The following PDE1C variants were observed in gnomAD, a reference collection of about 807,000 sequenced individuals.
The protein encoded by PDE1C is dual specificity calcium/calmodulin-dependent 3',5'-cyclic nucleotide phosphodiesterase 1C.
A neutral mutation model predicts 93.1 loss-of-function variants in PDE1C; 62 were observed. The observed-to-expected ratio is 0.67, with a 90% confidence interval of 0.54 to 0.82. PDE1C has a LOEUF of 0.82. PDE1C is among the 40% of genes least tolerant of loss of function. The probability of loss-of-function intolerance (pLI) is 0.00; values close to 1 mark genes in which losing one functional copy is unlikely to be tolerated. For synonymous variants in PDE1C, 325 were observed against 310.1 expected, an observed-to-expected ratio of 1.05 and a Z score of -0.50; for missense variants, 742 against 884.6, an observed-to-expected ratio of 0.84 and a Z score of 2.04.
At chr7:32,399,646 A>G (rs215731) in intron 1 of PDE1C, among the ~76,000 whole-genome samples, 138,691 of 149,840 alleles carry the variant, frequency 0.93, 64,915 homozygotes, top group East Asian at 1. Context: ...GCAGTGGCAC[A>G]ATCCCAGCTC....
At chr7:32,414,831 A>T (rs1785239462) in intron 1 of PDE1C, among the ~76,000 whole-genome samples, 1 of 26,494 alleles carries the variant, frequency 3.8e-5, no homozygotes, top group Non-Finnish European at 1.3e-4. Flanking sequence ...TGCCAATGAT[A>T]AAAAAAAAAA....
intron 3 of PDE1C, among the ~76,000 whole-genome samples, chr7:32,107,454 A>C (rs1263295319): frequency 6.6e-6 from 1 of 152,188 alleles, no homozygotes; most frequent in East Asian, 1.9e-4. Flanking sequence ...TCTCATCAGA[A>C]GCCCTGTAAG....
chr7:32,137,120 T>C (rs1285282466), intron 3 of PDE1C, among the ~76,000 whole-genome samples: 1 of 152,214 alleles, frequency 6.6e-6, no homozygotes, highest in South Asian at 2.1e-4. Flanking sequence ...ATAGTGTTTT[T>C]ATAAAGTAAA....
chr7:32,360,393 A>G (rs1361653638), intron 1 of PDE1C, among the ~76,000 whole-genome samples: 2 of 152,252 alleles, frequency 1.3e-5, no homozygotes, highest in African/African-American at 4.8e-5. Context: ...ACAAAACACA[A>G]GTGAGGGCAG....
chr7:32,425,918 G>A (rs1785518930), intron 1 of PDE1C, among the ~76,000 whole-genome samples: 1 of 152,004 alleles, frequency 6.6e-6, no homozygotes, highest in Non-Finnish European at 1.5e-5. Flanking sequence ...ACAGTGCTCT[G>A]GATGACAGAG....
intron 3 of PDE1C, among the ~76,000 whole-genome samples, chr7:32,095,561 C>G (rs1469734987): frequency 2.6e-5 from 4 of 152,206 alleles, no homozygotes; most frequent in African/African-American, 9.6e-5. Flanking sequence ...CAAGGGAATG[C>G]CAAGAGGGAC....
intron 2 of PDE1C, among the ~76,000 whole-genome samples, chr7:32,037,591 CTT>C (rs1791278669): frequency 6.6e-6 from 1 of 152,154 alleles, no homozygotes; most frequent in Non-Finnish European, 1.5e-5. Flanking sequence ...TACAGAAAGA[CTT>C]TTCTGAACCC....
chr7:31,982,817 G>A (rs565643464), intron 2 of PDE1C, among the ~76,000 whole-genome samples: 10 of 152,112 alleles, frequency 6.6e-5, no homozygotes, highest in Non-Finnish European at 1.3e-4. Flanking sequence ...AATAGAAAAA[G>A]AAACAATTCA....
At position 32,210,922 on chromosome 7, in the gene PDE1C, A is replaced by C. The variant is rs903261291; in HGVS notation, c.86-1383T>G. Among the ~76,000 whole-genome samples the C allele has an allele frequency of 2.6e-5, 4 of 152,334 alleles. No homozygotes were observed. The East Asian group carries it at 7.7e-4, about 29-fold the overall frequency. ...CTGTCACACCGCAGCATTTCAAAAA[A>C]AGAAAGAAATGGGCCTGGCGCGGGT... is the stretch of plus-strand genomic sequence containing the variant. On this transcript the variant is annotated intron_variant, in intron 1 of 18. Transcript: ENST00000396193.
At chr7:32,021,130 C>A (rs1788611974) in intron 2 of PDE1C, among the ~76,000 whole-genome samples, 1 of 152,136 alleles carries the variant, frequency 6.6e-6, no homozygotes, top group African/African-American at 2.4e-5. Context: ...TTTGCCCCTC[C>A]TGATAGTGGT....
the PDE1C span, among the ~76,000 whole-genome samples, chr7:31,654,053 CAAAAAAAAA>C: frequency 7.7e-6 from 1 of 130,366 alleles, no homozygotes; most frequent in Non-Finnish European, 1.6e-5. Context: ...AGAGTAAGTC[CAAAAAAAAA>C]AAAAAAAAAA....
intron 2 of PDE1C, among the ~76,000 whole-genome samples, chr7:31,957,601 C>CT (rs570438016): frequency 1.6e-4 from 24 of 152,138 alleles, no homozygotes; most frequent in African/African-American, 5.3e-4. Context: ...ATAATTCTTT[C>CT]TTTTTTTTAT....
chr7:31,734,062 T>TC, the PDE1C span, among the ~76,000 whole-genome samples: 1 of 151,968 alleles, frequency 6.6e-6, no homozygotes, highest in African/African-American at 2.4e-5. Flanking sequence ...AAAGAAGTAA[T>TC]AAAACTACCC....
At chr7:32,300,861 A>C (rs980813151), upstream of PDE1C, among the ~76,000 whole-genome samples, 1 of 152,114 alleles carries the variant, frequency 6.6e-6, no homozygotes, top group Non-Finnish European at 1.5e-5. Flanking sequence ...TTTTTGAGAC[A>C]GTGTTTCACT....
At chr7:31,742,108 G>T in the PDE1C span, among the ~76,000 whole-genome samples, 1 of 152,182 alleles carries the variant, frequency 6.6e-6, no homozygotes, top group Non-Finnish European at 1.5e-5. Flanking sequence ...TCTAGATCAG[G>T]AATAAAGGCA....
intron 6 of PDE1C, 45 bp downstream of exon 6, chr7:31,873,247 T>C: frequency 1.8e-6 from 2 of 1,135,136 alleles, no homozygotes; most frequent in South Asian, 1.3e-5. Context: ...AGGATAAACA[T>C]ATGCATGTAG....
intron 17 of PDE1C, among the ~76,000 whole-genome samples, chr7:31,757,393 A>G (rs1185868171): frequency 1.3e-5 from 2 of 152,208 alleles, no homozygotes; most frequent in African/African-American, 2.4e-5. Flanking sequence ...AAAAAGAAAC[A>G]TACTAGTAAA....
intron 5 of PDE1C, among the ~76,000 whole-genome samples, chr7:31,875,895 T>C (rs1356110142): frequency 6.9e-6 from 1 of 145,948 alleles, no homozygotes; most frequent in African/African-American, 2.5e-5. Context: ...GATTCATTAC[T>C]ATCTTACTTA....
intron 2 of PDE1C, among the ~76,000 whole-genome samples, chr7:31,901,314 T>C (rs1182574470): frequency 6.6e-6 from 1 of 151,470 alleles, no homozygotes; most frequent in Non-Finnish European, 1.5e-5. Context: ...ACCAAACAGA[T>C]ACACAAAAAT....
Sources: gnomAD v4.1 joint callset for allele counts (sites outside exome capture counted in the v4.1 genomes callset) on GRCh38, gnomAD v4.1.1 for gene constraint, MANE v1.5 for transcripts, NCBI Gene and HGNC (gene_info 2026-07-23, HGNC 2026-07-21) for gene names.